ZNF521: variants seen among roughly 807,000 people sequenced by gnomAD.
ZNF521 encodes the protein zinc finger protein 521.
Under a neutral mutation model 105.5 loss-of-function variants are expected in ZNF521, and 14 were observed. That is an observed-to-expected ratio of 0.13 (90% CI 0.09 to 0.21). The LOEUF (loss-of-function observed/expected upper bound fraction) is 0.21, where lower values mean the gene tolerates loss of function less well. ZNF521 is among the 10% of genes least tolerant of loss of function. ZNF521 has a pLI of 1.00. For synonymous variants in ZNF521, 635 were observed against 606.0 expected (o/e 1.05, Z -0.70); for missense variants, 1,233 against 1,629.7 (o/e 0.76, Z 4.19).
At chr18:25,188,731 A>G (rs999407082) in intron 5 of ZNF521, among the ~76,000 whole-genome samples, 1 of 152,148 alleles carries the variant, frequency 6.6e-6, no homozygotes. Context: ...GCCGTAACCA[A>G]CTGGTAGGGC....
rs570569159 is a variant in ZNF521 at position 25,341,060 on chromosome 18, T to C, written c.40+9847A>G. On this transcript the variant is annotated intron_variant, in intron 2 of 7. Transcript: ENST00000361524. ...CTTCGGTCAGTTACACTCCCCACCATCACCATTCATTCCAGTGCTCACATC... is the reference window on the plus strand; with the variant it reads ...CTTCGGTCAGTTACACTCCCCACCACCACCATTCATTCCAGTGCTCACATC... Among the ~76,000 whole-genome samples, 6 of 152,306 alleles carry C rather than the reference T, an allele frequency of 3.9e-5. No homozygotes were observed. In the East Asian group the frequency reaches 5.8e-4, roughly 15 times the overall value.
At chr18:25,338,566 C>T (rs1914029227) in intron 2 of ZNF521, among the ~76,000 whole-genome samples, 1 of 151,974 alleles carries the variant, frequency 6.6e-6, no homozygotes, top group South Asian at 2.1e-4. Context: ...GCATGTGCCA[C>T]CACGCCAACT....
chr18:25,148,318 C>T (rs193261105), intron 5 of ZNF521, among the ~76,000 whole-genome samples: 5 of 152,060 alleles, frequency 3.3e-5, no homozygotes, highest in Non-Finnish European at 5.9e-5. Flanking sequence ...AGTATAGATA[C>T]GAGGCTCACC....
At chr18:25,193,451 A>G (rs748053175) in intron 5 of ZNF521, among the ~76,000 whole-genome samples, 3 of 152,086 alleles carry the variant, frequency 2.0e-5, no homozygotes, top group African/African-American at 7.2e-5. Flanking sequence ...AATTTCCCAT[A>G]AACTGCAGAC....
intron 3 of ZNF521, among the ~76,000 whole-genome samples, chr18:25,256,513 G>C (rs1908516305): frequency 6.6e-6 from 1 of 152,132 alleles, no homozygotes; most frequent in Admixed American, 6.5e-5. Context: ...CAAGGAGAGA[G>C]CAGTTATGTC....
intron 2 of ZNF521, among the ~76,000 whole-genome samples, chr18:25,329,060 G>A (rs1042966981): frequency 1.3e-5 from 2 of 152,166 alleles, no homozygotes; most frequent in African/African-American, 4.8e-5. Flanking sequence ...AACATTTCTT[G>A]AGCACCTATG....
At chr18:25,079,601 A>AAG (rs34772670) in intron 7 of ZNF521, among the ~76,000 whole-genome samples, 14 of 148,142 alleles carry the variant, frequency 9.5e-5, no homozygotes, top group African/African-American at 3.2e-4. Flanking sequence ...AGGAAAAAGT[A>AAG]AGAGAGAGAG....
At chr18:25,113,654 A>G (rs1259143912) in intron 5 of ZNF521, among the ~76,000 whole-genome samples, 2 of 152,100 alleles carry the variant, frequency 1.3e-5, no homozygotes, top group African/African-American at 2.4e-5. Flanking sequence ...CAGAAAAATC[A>G]AGGAAAAGGG....
chr18:25,117,152 A>G (rs1226876314), intron 5 of ZNF521, among the ~76,000 whole-genome samples: 1 of 150,748 alleles, frequency 6.6e-6, no homozygotes, highest in African/African-American at 2.4e-5. Context: ...TTGGTCAGGG[A>G]TTTATGAAGA....
chr18:25,123,179 A>T (rs562740265), intron 5 of ZNF521, among the ~76,000 whole-genome samples: 11 of 151,986 alleles, frequency 7.2e-5, no homozygotes, highest in African/African-American at 2.7e-4. Context: ...AATTATTAGA[A>T]CAAAGAAGTA....
chr18:25,066,215 A>G (rs1054979579), intron 7 of ZNF521, among the ~76,000 whole-genome samples: 2 of 152,060 alleles, frequency 1.3e-5, no homozygotes, highest in African/African-American at 2.4e-5. Flanking sequence ...GCTGTCCACC[A>G]TTGGCAGTGA....
intron 5 of ZNF521, among the ~76,000 whole-genome samples, chr18:25,163,445 C>T (rs1212235185): frequency 6.6e-6 from 1 of 152,096 alleles, no homozygotes; most frequent in Non-Finnish European, 1.5e-5. Flanking sequence ...CTTTTTAGCA[C>T]CGTGCTATTG....
intron 5 of ZNF521, among the ~76,000 whole-genome samples, chr18:25,185,384 T>C: frequency 6.6e-6 from 1 of 152,186 alleles, no homozygotes. Context: ...GTGATTGGTA[T>C]GTGCATAAGA....
At position 25,103,445 on chromosome 18, in the gene ZNF521, G is replaced by A. The variant is rs146050515; in HGVS notation, c.3659-11364C>T. ...TCTTCAAGTACCTGGATCATTCCCC[G>A]ATATAGTGTTAAATTGAGTGTTTGA... On this transcript the variant is annotated intron_variant, in intron 5 of 7. Coordinates refer to ENST00000361524, the MANE Select transcript of ZNF521 (RefSeq NM_015461.3). 3.9e-3 allele frequency among the ~76,000 whole-genome samples: 599 copies of A among 152,160 alleles called. 3 individuals carry two copies. The highest frequency in any genetic ancestry group is 0.014 in the African/African-American group (561 of 41,502).
At chr18:25,075,704 C>T (rs1305428942) in intron 7 of ZNF521, among the ~76,000 whole-genome samples, 4 of 152,154 alleles carry the variant, frequency 2.6e-5, no homozygotes, top group Admixed American at 2.6e-4. Context: ...AATTTCTTCT[C>T]CTTAACCCTG....
At chr18:25,209,399 T>C (rs942247277) in intron 4 of ZNF521, among the ~76,000 whole-genome samples, 1 of 152,104 alleles carries the variant, frequency 6.6e-6, no homozygotes, top group Non-Finnish European at 1.5e-5. Context: ...GCATGAGCCA[T>C]GGCGCCCGGC....
chr18:25,100,007 G>A (rs2033935008), intron 5 of ZNF521, among the ~76,000 whole-genome samples: 2 of 152,142 alleles, frequency 1.3e-5, no homozygotes, highest in Admixed American at 6.5e-5. Context: ...GCCATGTGCT[G>A]GACACGGCAC....
intron 3 of ZNF521, among the ~76,000 whole-genome samples, chr18:25,275,633 G>A (rs960825126): frequency 1.3e-5 from 2 of 152,136 alleles, no homozygotes; most frequent in Non-Finnish European, 2.9e-5. Flanking sequence ...ACATTTTCAG[G>A]GATTGCTCCC....
intron 3 of ZNF521, among the ~76,000 whole-genome samples, chr18:25,273,210 A>C (rs1909785272): frequency 7.9e-6 from 1 of 126,664 alleles, no homozygotes; most frequent in Non-Finnish European, 1.6e-5. Context: ...GAGGAGTGAA[A>C]CCCTGTCTCC....
Sources: gnomAD v4.1 joint callset for allele counts (sites outside exome capture counted in the v4.1 genomes callset) on GRCh38, gnomAD v4.1.1 for gene constraint, MANE v1.5 for transcripts, NCBI Gene and HGNC (gene_info 2026-07-23, HGNC 2026-07-21) for gene names.